The following AFF3 variants were observed in gnomAD, a reference collection of about 807,000 sequenced individuals.
AFF3 encodes AF4/FMR2 family member 3.
In AFF3, 32 loss-of-function variants were observed where a neutral mutation model predicts 129.7. That is an observed-to-expected ratio of 0.25 (90% confidence interval 0.19 to 0.33). The LOEUF (loss-of-function observed/expected upper bound fraction) is 0.33, where lower values mean the gene tolerates loss of function less well. Ranked by LOEUF, AFF3 falls within the 10% of genes least tolerant of loss-of-function variation. The pLI, the probability that AFF3 is intolerant of heterozygous loss-of-function variation, is 1.00. For missense variants in AFF3, 1,373 were observed against 1,592.0 expected, an observed-to-expected ratio of 0.86 and a Z score of 2.34; for synonymous variants, 644 against 635.4, an observed-to-expected ratio of 1.01 and a Z score of -0.20.
intron 7 of AFF3, among the ~76,000 whole-genome samples, chr2:100,000,797 C>T (rs758880952): frequency 2.6e-5 from 4 of 152,220 alleles, no homozygotes; most frequent in East Asian, 1.9e-4. Context: ...CCCCGTCACA[C>T]GGCTGACAGG....
chr2:99,637,604 A>C (rs903335455), intron 13 of AFF3, among the ~76,000 whole-genome samples: 2 of 152,190 alleles, frequency 1.3e-5, no homozygotes, highest in Admixed American at 1.3e-4. Flanking sequence ...CCACCAATTA[A>C]CCAATCACCA....
chr2:100,124,177 G>T (rs998834280), intron 2 of AFF3, among the ~76,000 whole-genome samples: 7 of 152,196 alleles, frequency 4.6e-5, no homozygotes, highest in Admixed American at 2.6e-4. Context: ...AACTATGAGA[G>T]AGATCCTTGA....
chr2:99,724,430 A>G (rs1679189884), intron 11 of AFF3, among the ~76,000 whole-genome samples: 1 of 150,466 alleles, frequency 6.6e-6, no homozygotes, highest in African/African-American at 2.4e-5. Flanking sequence ...ATGCCACCAC[A>G]CTCAGCTAAT....
At chr2:100,006,474 T>C (rs1681979589) in intron 7 of AFF3, 158 bp downstream of exon 7, 3 of 873,308 alleles carry the variant, frequency 3.4e-6, no homozygotes, top group Admixed American at 6.1e-5. Flanking sequence ...GAAATCACTA[T>C]TTAAGTCTGC....
At chr2:99,911,255 G>A (rs2106197469) in intron 7 of AFF3, among the ~76,000 whole-genome samples, 1 of 152,200 alleles carries the variant, frequency 6.6e-6, no homozygotes, top group East Asian at 1.9e-4. Context: ...GGGCATGGTG[G>A]CACATGCCTG....
intron 7 of AFF3, among the ~76,000 whole-genome samples, chr2:99,926,828 C>A (rs536346123): frequency 6.6e-6 from 1 of 152,214 alleles, no homozygotes; most frequent in East Asian, 1.9e-4. Flanking sequence ...TTTCTTTCCT[C>A]CACTTATGTT....
intron 7 of AFF3, among the ~76,000 whole-genome samples, chr2:99,947,641 TAGATAGATAGATAGAC>T (rs1375825050): frequency 3.5e-5 from 5 of 142,772 alleles, no homozygotes; most frequent in South Asian, 2.2e-4. Context: ...GATAGATAGA[TAGATAGATAGATAGAC>T]AGACAGACAG....
chr2:99,923,537 C>G (rs1380222329), intron 7 of AFF3, among the ~76,000 whole-genome samples: 1 of 152,064 alleles, frequency 6.6e-6, no homozygotes, highest in Non-Finnish European at 1.5e-5. Context: ...GCAAAAGGAC[C>G]AACGAAAGAT....
Position 99,750,418 on chromosome 2 carries a change from C to T in AFF3, c.1002+1803G>A, listed in dbSNP as rs74177692. ...AAAAAGTACTTTTTTTTTTTCTTTT[C>T]TTTTTTTTTTTTTTGAGACAGCGTC... is the stretch of plus-strand genomic sequence containing the variant. On this transcript the variant is annotated intron_variant, in intron 9 of 24. Coordinates refer to ENST00000672756, the MANE Select transcript of AFF3 (RefSeq NM_001386135.1). Among the ~76,000 whole-genome samples the T allele has an allele frequency of 2.1e-3, 271 of 129,064 alleles. 3 individuals are homozygous for T. The highest frequency in any genetic ancestry group is 4.2e-3 in the African/African-American group (150 of 35,606). The allele number at this position is 129,064 out of a possible 152,430, so 84.7% of individuals were successfully genotyped here.
At chr2:99,575,998 C>A (rs13008186) in intron 18 of AFF3, among the ~76,000 whole-genome samples, 1 of 151,970 alleles carries the variant, frequency 6.6e-6, no homozygotes, top group South Asian at 2.1e-4. Context: ...TTGTTTGAGG[C>A]CAGGAGTTCG....
intron 1 of AFF3, among the ~76,000 whole-genome samples, chr2:100,141,530 T>C (rs1182648877): frequency 6.6e-6 from 1 of 152,232 alleles, no homozygotes; most frequent in Non-Finnish European, 1.5e-5. Context: ...ATTTAGTTTG[T>C]ACGATCAACA....
intron 7 of AFF3, among the ~76,000 whole-genome samples, chr2:99,933,052 A>C (rs1388175536): frequency 1.3e-5 from 2 of 152,354 alleles, no homozygotes; most frequent in East Asian, 3.9e-4. Flanking sequence ...CATAATTAAA[A>C]GAGATTGATG....
chr2:100,059,629 T>C (rs1446586138), intron 4 of AFF3, among the ~76,000 whole-genome samples: 1 of 152,248 alleles, frequency 6.6e-6, no homozygotes, highest in Non-Finnish European at 1.5e-5. Flanking sequence ...GAATTATATC[T>C]GAATATAGCC....
intron 7 of AFF3, among the ~76,000 whole-genome samples, chr2:99,862,957 A>G (rs1691104571): frequency 6.6e-6 from 1 of 152,274 alleles, no homozygotes; most frequent in East Asian, 1.9e-4. Context: ...AACTAATATT[A>G]TAAAGATTTT....
chr2:99,590,403 A>C (rs765709074), intron 15 of AFF3, among the ~76,000 whole-genome samples: 4 of 152,212 alleles, frequency 2.6e-5, no homozygotes, highest in Non-Finnish European at 4.4e-5. Flanking sequence ...TTGCAGCATC[A>C]CAAATTCAAA....
rs370732365 is a variant in AFF3 at position 100,139,647 on chromosome 2, C to T, written c.-228+2837G>A. 2.0e-5 allele frequency among the ~76,000 whole-genome samples: 3 copies of T among 152,252 alleles called. No individual in the cohort carries two copies. The East Asian group carries it at 5.8e-4, about 29-fold the overall frequency. On this transcript the variant is annotated intron_variant, in intron 1 of 24. Coordinates refer to ENST00000672756, the MANE Select transcript of AFF3 (RefSeq NM_001386135.1). ...ATTTTAATGATGAGAACAATGGTGC[C>T]ATTTCACTTTGAAAGGAGCATGTAT... is the stretch of plus-strand genomic sequence containing the variant.
intron 7 of AFF3, among the ~76,000 whole-genome samples, chr2:99,985,503 A>G (rs1679781102): frequency 6.6e-6 from 1 of 152,216 alleles, no homozygotes; most frequent in Non-Finnish European, 1.5e-5. Flanking sequence ...GTGGAGTTAG[A>G]TCAGAGAAAT....
At chr2:99,995,497 C>T (rs761246438) in intron 7 of AFF3, among the ~76,000 whole-genome samples, 1 of 151,960 alleles carries the variant, frequency 6.6e-6, no homozygotes, top group African/African-American at 2.4e-5. Context: ...CTCAACTTCC[C>T]GAGTAGCTGG....
chr2:99,803,997 A>G (rs1028555630), intron 8 of AFF3, among the ~76,000 whole-genome samples: 1 of 152,150 alleles, frequency 6.6e-6, no homozygotes, highest in African/African-American at 2.4e-5. Flanking sequence ...AAAACCTAGG[A>G]AAAACACTGC....
Sources: allele counts gnomAD v4.1 joint callset (sites outside exome capture counted in the v4.1 genomes callset), GRCh38; gene constraint gnomAD v4.1.1; transcripts MANE v1.5; gene names NCBI Gene and HGNC (gene_info 2026-07-23, HGNC 2026-07-21).